Variants in GRM8 observed in about 807,000 individuals in gnomAD.
GRM8 encodes metabotropic glutamate receptor 8.
Under a neutral mutation model 87.2 loss-of-function variants are expected in GRM8, and 47 were observed. The ratio of observed to expected loss-of-function variants is 0.54; its 90% CI spans 0.43 to 0.69. The LOEUF is 0.69. GRM8 is among the 30% of genes least tolerant of loss of function. The probability of loss-of-function intolerance (pLI) is 0.00; values close to 1 mark genes in which losing one functional copy is unlikely to be tolerated. For synonymous variants in GRM8, 396 were observed against 404.5 expected, an observed-to-expected ratio of 0.98 and a Z score of 0.25; for missense variants, 1,019 against 1,139.2, an observed-to-expected ratio of 0.89 and a Z score of 1.52.
intron 2 of GRM8, among the ~76,000 whole-genome samples, chr7:127,142,749 C>T (rs1056354472): frequency 6.6e-6 from 1 of 151,826 alleles, no homozygotes; most frequent in Non-Finnish European, 1.5e-5. Context: ...GGATGGACAG[C>T]GAGACAGATT....
chr7:126,854,288 G>T (rs1315886893), intron 6 of GRM8, among the ~76,000 whole-genome samples: 1 of 152,120 alleles, frequency 6.6e-6, no homozygotes, highest in Non-Finnish European at 1.5e-5. Context: ...CATCAACCTA[G>T]CTTTTTCTTT....
At chr7:126,724,553 C>A (rs981636375) in intron 7 of GRM8, among the ~76,000 whole-genome samples, 1 of 152,124 alleles carries the variant, frequency 6.6e-6, no homozygotes, top group African/African-American at 2.4e-5. Flanking sequence ...TGTCAATCCA[C>A]TGAGAGTCTG....
At position 126,818,086 on chromosome 7, in the gene GRM8, A is replaced by G. The variant is rs74664677; in HGVS notation, c.1157-48021T>C. Among the ~76,000 whole-genome samples, 1,313 of 152,276 alleles carry G rather than the reference A, an allele frequency of 8.6e-3. 24 individuals carry two copies. Among genetic ancestry groups the G allele is most frequent in the African/African-American group, 0.03 (1,228 of 41,562 alleles). On this transcript the variant is annotated intron_variant, in intron 6 of 10. Transcript: ENST00000339582. Reference sequence around the variant, plus strand: ...GCAGGAACAGTGAAATTAAACAAAAAATTATTAAAGGATTTGTTTCCAACT... The same window carrying G: ...GCAGGAACAGTGAAATTAAACAAAAGATTATTAAAGGATTTGTTTCCAACT...
chr7:126,457,662 C>T (rs1348204874), intron 9 of GRM8, among the ~76,000 whole-genome samples: 1 of 150,674 alleles, frequency 6.6e-6, no homozygotes, highest in Non-Finnish European at 1.5e-5. Flanking sequence ...TAATAAGATA[C>T]AACATATCAA....
At chr7:126,889,847 C>T (rs1800831977) in intron 6 of GRM8, among the ~76,000 whole-genome samples, 1 of 151,910 alleles carries the variant, frequency 6.6e-6, no homozygotes, top group Non-Finnish European at 1.5e-5. Flanking sequence ...ATGAGGGATG[C>T]TCATGCCATG....
chr7:127,223,885 T>C (rs1163930235), intron 2 of GRM8, among the ~76,000 whole-genome samples: 2 of 147,346 alleles, frequency 1.4e-5, no homozygotes, highest in East Asian at 4.0e-4. Flanking sequence ...GTAGAAACTT[T>C]GGGACTGAAA....
intron 7 of GRM8, among the ~76,000 whole-genome samples, chr7:126,629,898 G>A (rs1463096438): frequency 6.6e-6 from 1 of 152,088 alleles, no homozygotes; most frequent in Non-Finnish European, 1.5e-5. Context: ...TCTGACTTTA[G>A]CATAATCCTT....
chr7:127,249,170 A>G (rs1322301377), intron 1 of GRM8, among the ~76,000 whole-genome samples: 1 of 152,106 alleles, frequency 6.6e-6, no homozygotes, highest in Non-Finnish European at 1.5e-5. Flanking sequence ...GTGTCCAACA[A>G]TCTATACTCC....
intron 7 of GRM8, among the ~76,000 whole-genome samples, chr7:126,752,908 T>C (rs1341889004): frequency 6.6e-6 from 1 of 152,062 alleles, no homozygotes; most frequent in Non-Finnish European, 1.5e-5. Context: ...ATACTTTACA[T>C]TTTGTAGTTG....
intron 3 of GRM8, among the ~76,000 whole-genome samples, chr7:126,978,308 T>C (rs978696946): frequency 1.3e-5 from 2 of 152,086 alleles, no homozygotes; most frequent in East Asian, 1.9e-4. Context: ...GGACAACCCA[T>C]GAAGTACTGC....
At chr7:126,673,929 T>G (rs1262314046) in intron 7 of GRM8, among the ~76,000 whole-genome samples, 1 of 152,200 alleles carries the variant, frequency 6.6e-6, no homozygotes, top group Non-Finnish European at 1.5e-5. Context: ...TCGATTAGCC[T>G]TCTTCACTGA....
chr7:126,938,088 G>A (rs929962560), intron 3 of GRM8, among the ~76,000 whole-genome samples: 3 of 152,154 alleles, frequency 2.0e-5, no homozygotes, highest in Non-Finnish European at 4.4e-5. Context: ...AACTAGACAT[G>A]GTCATATAAC....
chr7:126,573,747 G>A (rs757309881), intron 8 of GRM8, among the ~76,000 whole-genome samples: 2 of 151,806 alleles, frequency 1.3e-5, no homozygotes, highest in African/African-American at 2.4e-5. Flanking sequence ...CACCATGCCT[G>A]GCTAATTTTT....
chr7:127,179,141 A>T (rs1310670776), intron 2 of GRM8, among the ~76,000 whole-genome samples: 1 of 152,128 alleles, frequency 6.6e-6, no homozygotes, highest in East Asian at 1.9e-4. Context: ...ACTCACATAA[A>T]CTTAAAAGGG....
intron 8 of GRM8, among the ~76,000 whole-genome samples, chr7:126,607,376 T>G (rs945974383): frequency 6.6e-6 from 1 of 152,208 alleles, no homozygotes; most frequent in African/African-American, 2.4e-5. Flanking sequence ...TTGTAATTTC[T>G]CATCGTCTAA....
chr7:126,536,405 TCTTTAATTTCAGATATC>T (rs1445975039), intron 8 of GRM8, among the ~76,000 whole-genome samples: 10 of 152,298 alleles, frequency 6.6e-5, no homozygotes, highest in Middle Eastern at 6.8e-3. Flanking sequence ...AGACTTTGTG[TCTTTAATTTCAGATATC>T]CTCCCTTGAG....
At chr7:126,536,834 A>G (rs1209721936) in intron 8 of GRM8, among the ~76,000 whole-genome samples, 2 of 152,080 alleles carry the variant, frequency 1.3e-5, no homozygotes, top group Admixed American at 6.5e-5. Flanking sequence ...AAAAAACACA[A>G]AACAAAACAA....
intron 6 of GRM8, among the ~76,000 whole-genome samples, chr7:126,839,079 G>GCTACCACCA (rs1160661245): frequency 6.6e-6 from 1 of 152,094 alleles, no homozygotes; most frequent in Non-Finnish European, 1.5e-5. Context: ...ACTACTTGCT[G>GCTACCACCA]CTACCACCAC....
At position 126,834,717 on chromosome 7, in the gene GRM8, C is replaced by G. The variant is rs555359508; in HGVS notation, c.1157-64652G>C. Among the ~76,000 whole-genome samples the G allele has an allele frequency of 9.7e-4, 148 of 152,274 alleles. 1 individual carries two copies. Among genetic ancestry groups the G allele is most frequent in the Middle Eastern group, 3.4e-3 (1 of 294 alleles). ...TTTTAAATACTGAAATCACAAACTT[C>G]AACAGCTTCAAAGTGTTTTGCAACA... On this transcript the variant is annotated intron_variant, in intron 6 of 10. Coordinates refer to ENST00000339582, the MANE Select transcript of GRM8 (RefSeq NM_000845.3).
Sources: gnomAD v4.1 joint callset for allele counts (sites outside exome capture counted in the v4.1 genomes callset) on GRCh38, gnomAD v4.1.1 for gene constraint, MANE v1.5 for transcripts, NCBI Gene and HGNC (gene_info 2026-07-23, HGNC 2026-07-21) for gene names.